COL2A1: variants seen among roughly 807,000 people sequenced by gnomAD.
COL2A1 encodes collagen type II alpha 1 chain, also known as collagen alpha-1(II) chain.
COL2A1 carries 28 observed loss-of-function variants against 204.5 expected under a neutral mutation model. The observed-to-expected ratio is 0.14, with a 90% CI of 0.10 to 0.19. COL2A1 has a LOEUF of 0.19. COL2A1 is among the 10% of genes least tolerant of loss of function. The pLI, the probability that COL2A1 is intolerant of heterozygous loss-of-function variation, is 1.00. For missense variants in COL2A1, 1,388 were observed against 2,027.5 expected (o/e 0.68, Z 6.06); for synonymous variants, 708 against 718.7 (o/e 0.99, Z 0.24).
intron 46 of COL2A1, 75 bp from the exon 47 acceptor site, chr12:47,977,230 C>T (rs568818530): frequency 6.3e-7 from 1 of 1,589,358 alleles, no homozygotes; most frequent in East Asian, 2.2e-5. Context: ...GAGGCCACTG[C>T]TCCTTAGTCC....
intron 11 of COL2A1, 106 bp from the exon 12 acceptor site, chr12:47,994,583 C>G (rs966778778): frequency 3.6e-5 from 42 of 1,175,268 alleles, no homozygotes; most frequent in Non-Finnish European, 4.6e-5. Context: ...CTTTGCCTAC[C>G]GGCTCACTCA....
chr12:47,989,107 G>C, intron 18 of COL2A1, 121 bp downstream of exon 18: 1 of 810,514 alleles, frequency 1.2e-6, no homozygotes, highest in Non-Finnish European at 2.1e-6. Flanking sequence ...TGGGTGGGGT[G>C]GTGGGGAGCT....
At chr12:47,991,628 T>C (rs1939713244) in intron 16 of COL2A1, among the ~76,000 whole-genome samples, 1 of 152,146 alleles carries the variant, frequency 6.6e-6, no homozygotes, top group African/African-American at 2.4e-5. Context: ...CTACACACGC[T>C]GCCAGCCTAA....
At position 47,981,358 on chromosome 12, in the gene COL2A1, A is replaced by G; in HGVS notation, c.2448T>C (p.Gly816=). ...VGPPGPAGSA[G]ARGAPGERGE... ...AGACACTCACCGGAGCGCCACGAGC[A>G]CCAGCACTTCCTGCAGGACCAGGAG... The change falls in exon 37 of 54, where the codon GGT becomes GGC. Residue 816 remains glycine, a synonymous_variant. Transcript: ENST00000380518. 2 of 1,613,002 alleles carry G rather than the reference A, an allele frequency of 1.2e-6. No homozygotes were observed. The highest frequency in any genetic ancestry group is 1.7e-6 in the Non-Finnish European group (2 of 1,179,888).
chr12:47,978,142 T>A lies in COL2A1; in HGVS notation c.3004-25A>T. Reference sequence around the variant, plus strand: ...CCTGGAGGGACAGAGACAAGGATGATGAGTGCAAGTGGTAAGCACCCCTGC... The same window carrying A: ...CCTGGAGGGACAGAGACAAGGATGAAGAGTGCAAGTGGTAAGCACCCCTGC... On this transcript the variant is annotated intron_variant, in intron 43 of 53. Coordinates refer to ENST00000380518, the MANE Select transcript of COL2A1 (RefSeq NM_001844.5). This position sits in a 1 kb window ranked among gnomAD's most constrained non-coding sequence, Gnocchi z 5.5. 1 of 1,604,506 alleles carries A rather than the reference T, an allele frequency of 6.2e-7. No homozygotes were observed.
intron 26 of COL2A1, 65 bp from the exon 27 acceptor site, chr12:47,985,158 A>C: frequency 7.5e-7 from 1 of 1,325,574 alleles, no homozygotes; most frequent in Non-Finnish European, 1.1e-6. Flanking sequence ...CCCAACATCC[A>C]CTAAGGGCCT....
At chr12:47,993,778 C>T (rs1311088717) in intron 14 of COL2A1, 31 bp downstream of exon 14, 2 of 1,611,998 alleles carry the variant, frequency 1.2e-6, no homozygotes, top group Non-Finnish European at 8.5e-7. Flanking sequence ...TCTCCCTCCT[C>T]CCCATCCCAT....
At chr12:47,985,866 C>T (rs1420618849) in intron 24 of COL2A1, 40 bp from the exon 25 acceptor site, 1 of 1,579,658 alleles carries the variant, frequency 6.3e-7, no homozygotes, top group Non-Finnish European at 8.6e-7. Context: ...TACCATGTGA[C>T]CTCAGCGATG....
chr12:47,984,169 T>C, intron 28 of COL2A1, 29 bp from the exon 29 acceptor site: 1 of 1,608,116 alleles, frequency 6.2e-7, no homozygotes, highest in Admixed American at 1.7e-5. Context: ...GAAAAGTCAA[T>C]GACACGCTTT....
chr12:47,979,202 C>G (rs909052303), intron 41 of COL2A1, among the ~76,000 whole-genome samples: 2 of 152,152 alleles, frequency 1.3e-5, no homozygotes, highest in Non-Finnish European at 1.5e-5. Flanking sequence ...TGCGGACTTG[C>G]TTTAAAGCAC....
At chr12:47,977,934 C>A in intron 44 of COL2A1, 76 bp downstream of exon 44, 3 of 1,386,762 alleles carry the variant, frequency 2.2e-6, no homozygotes, top group Non-Finnish European at 3.0e-6. Context: ...TGGGACTTGT[C>A]CTTGCTGACC....
In COL2A1 at chr12:47,985,957, G is replaced by T; in HGVS notation, c.1536C>A (p.Pro512=). ...CTTGACCTGGGAAACCGCGGTTGCC[G>T]GGAGCACCCTAAGGAGCCACAGGGA... ...PIGPPGERGA[P]GNRGFPGQDG... is the part of the protein sequence containing the mutation. The change falls in exon 24 of 54, where the codon CCC becomes CCA. Residue 512 remains proline, a synonymous_variant. Transcript: ENST00000380518. The T allele has an allele frequency of 6.4e-7, 1 of 1,551,618 alleles. No individual in the cohort carries two copies. Among genetic ancestry groups the T allele is most frequent in the Non-Finnish European group, 8.7e-7 (1 of 1,147,006 alleles).
chr12:47,981,013 G>T lies in COL2A1; in HGVS notation c.2464-45C>A, dbSNP rs1472612566. 2.6e-6 allele frequency: 4 copies of T among 1,532,720 alleles called. No homozygotes were observed. In the East Asian group the frequency reaches 9.8e-5, roughly 38 times the overall value. 94.9% of individuals were successfully genotyped at this position (1,532,720 alleles called of 1,614,324 possible). ...GGCGAGAGGTCAGGCCCCGCTGCCTGACCTGCTTCTGCTCCCCTCCAAGAG... is the reference window on the plus strand; with the variant it reads ...GGCGAGAGGTCAGGCCCCGCTGCCTTACCTGCTTCTGCTCCCCTCCAAGAG... On this transcript the variant is annotated intron_variant, in intron 37 of 53. Coordinates refer to ENST00000380518, the MANE Select transcript of COL2A1 (RefSeq NM_001844.5).
chr12:47,986,058 A>C, intron 23 of COL2A1, 93 bp from the exon 24 acceptor site: 8 of 1,217,588 alleles, frequency 6.6e-6, no homozygotes, highest in South Asian at 1.3e-5. Flanking sequence ...ACCAACCCCA[A>C]TTTCTGGGGA....
Position 47,994,490 on chromosome 12 carries a change from A to G in COL2A1, c.763-13T>C. ...TTCCAGCTTCACCCTGAAGGGAGAG[A>G]GAGAGATATCCCAGCTTCCTCAGAG... On this transcript the variant is annotated splice_polypyrimidine_tract_variant and intron_variant, in intron 11 of 53. Coordinates refer to ENST00000380518, the MANE Select transcript of COL2A1 (RefSeq NM_001844.5). 2 of 1,613,566 alleles carry G rather than the reference A, an allele frequency of 1.2e-6. No individual in the cohort carries two copies. Among genetic ancestry groups the G allele is most frequent in the East Asian group, 2.2e-5 (1 of 44,890 alleles).
At chr12:47,983,539 C>G (rs1370275655) in intron 30 of COL2A1, 101 bp from the exon 31 acceptor site, 1 of 1,445,204 alleles carries the variant, frequency 6.9e-7, no homozygotes, top group Non-Finnish European at 9.6e-7. Flanking sequence ...GAAGCAGCAG[C>G]AGTGACAGCC....
Position 47,978,058 on chromosome 12 carries a change from G to A in COL2A1, c.3063C>T (p.Pro1021=), listed in dbSNP as rs774161347. Reference sequence around the variant, plus strand: ...GACCCGTCAGGCCAGGAGGACCCACGGGGCCAGGAGGACCTCTGTCTCCAG... The same window carrying A: ...GACCCGTCAGGCCAGGAGGACCCACAGGGCCAGGAGGACCTCTGTCTCCAG... ...GASGDRGPPG[P]VGPPGLTGPA... The change falls in exon 44 of 54, where the codon CCC becomes CCT. Residue 1021 remains proline (P), a synonymous_variant. Coordinates refer to ENST00000380518, the MANE Select transcript of COL2A1 (RefSeq NM_001844.5). The surrounding 1 kb of genome is among the most constrained non-coding windows in gnomAD (Gnocchi z 5.5). 9.3e-6 allele frequency: 15 copies of A among 1,613,828 alleles called. No homozygotes were observed. Among genetic ancestry groups the A allele is most frequent in the East Asian group, 2.2e-5 (1 of 44,862 alleles).
At chr12:47,995,622 A>G (rs983779742) in intron 10 of COL2A1, 88 bp downstream of exon 10, 1 of 1,314,398 alleles carries the variant, frequency 7.6e-7, no homozygotes, top group Non-Finnish European at 1.1e-6. Context: ...AGAGCTGGGC[A>G]GAGCCTGGGA....
At position 47,980,142 on chromosome 12, in the gene COL2A1, C is replaced by A. The variant is rs899017799; in HGVS notation, c.2626-80G>T. 6 of 1,302,510 alleles carry A rather than the reference C, an allele frequency of 4.6e-6. No homozygotes were observed. Among genetic ancestry groups the A allele is most frequent in the South Asian group, 1.3e-5 (1 of 78,542 alleles). 80.7% of individuals were successfully genotyped at this position (1,302,510 alleles called of 1,614,324 possible). Reference sequence around the variant, plus strand: ...CTTCTGTCTGAGCCCCAACAATGGACCCCTGAGGTTTTCGAAGATGCAGCT... The same window carrying A: ...CTTCTGTCTGAGCCCCAACAATGGAACCCTGAGGTTTTCGAAGATGCAGCT... On this transcript the variant is annotated intron_variant, in intron 39 of 53. Transcript: ENST00000380518. The surrounding 1 kb of genome is among the most constrained non-coding windows in gnomAD (Gnocchi z 4.5).
Sources: gnomAD v4.1 joint callset for allele counts (sites outside exome capture counted in the v4.1 genomes callset) on GRCh38, gnomAD v4.1.1 for gene constraint, Gnocchi (gnomAD v3.1) non-coding constraint, MANE v1.5 for transcripts, NCBI Gene and HGNC (gene_info 2026-07-23, HGNC 2026-07-21) for gene names.